The following COL9A3 variants were observed in gnomAD, a reference collection of about 807,000 sequenced individuals.
COL9A3 encodes collagen alpha-3(IX) chain.
In COL9A3, 82 loss-of-function variants were observed where a neutral mutation model predicts 110.2. The observed-to-expected ratio is 0.74, with a 90% CI of 0.62 to 0.89. The LOEUF is 0.89. Among genes scored for constraint, COL9A3 ranks in the 40% least tolerant of loss-of-function variants. COL9A3 has a pLI of 0.00. For missense variants in COL9A3, 1,066 were observed against 981.3 expected (o/e 1.09, Z -1.15); for synonymous variants, 494 against 403.8 (o/e 1.22, Z -2.68).
intron 10 of COL9A3, among the ~76,000 whole-genome samples, chr20:62,823,376 G>A (rs1041230391): frequency 2.0e-5 from 3 of 152,190 alleles, no homozygotes; most frequent in Non-Finnish European, 2.9e-5. Context: ...CGGAGGCCAC[G>A]GATCCATCTC....
At position 62,829,837 on chromosome 20, in the gene COL9A3, G is replaced by GCCCGGGGTCGGGGGTTA; in HGVS notation, c.1161+19_1161+35dup. The GCCCGGGGTCGGGGGTTA allele has an allele frequency of 4.5e-6, 7 of 1,553,146 alleles. No individual in the cohort carries two copies. The highest frequency in any genetic ancestry group is 6.1e-6 in the Non-Finnish European group (7 of 1,151,020). ...GCTCAGCGGTGAGTGCAGGGACATGGCCCGGGGTCGGGGGTTAGCACTGAG... is the reference window on the plus strand; with the variant it reads ...GCTCAGCGGTGAGTGCAGGGACATGGCCCGGGGTCGGGGGTTACCCGGGGTCGGGGGTTAGCACTGAG... On this transcript the variant is annotated intron_variant, in intron 22 of 31. Transcript: ENST00000649368.
chr20:62,838,503 A>G (rs1001858729), intron 30 of COL9A3, among the ~76,000 whole-genome samples, 181 bp from the exon 31 acceptor site: 4 of 152,250 alleles, frequency 2.6e-5, no homozygotes, highest in Admixed American at 2.6e-4. Flanking sequence ...GACTGTGTAC[A>G]GGTGGGTCCC....
intron 19 of COL9A3, 93 bp from the exon 20 acceptor site, chr20:62,829,361 TG>T: frequency 6.5e-7 from 1 of 1,531,780 alleles, no homozygotes; most frequent in Non-Finnish European, 8.9e-7. Flanking sequence ...GCACTCACTC[TG>T]GCCCCTGCAC....
chr20:62,831,448 CGTCATTCCAGGGTGATG>C (rs1009315323), intron 24 of COL9A3: 1 of 153,114 alleles, frequency 6.5e-6, no homozygotes, highest in Non-Finnish European at 1.5e-5. Context: ...GCAGATGCCC[CGTCATTCCAGGGTGATG>C]GTCATTCCAG....
intron 5 of COL9A3, among the ~76,000 whole-genome samples, chr20:62,820,383 C>T (rs762307965): frequency 2.0e-4 from 31 of 151,990 alleles, no homozygotes; most frequent in Non-Finnish European, 4.3e-4. Flanking sequence ...CCTGACGGAG[C>T]GGCACCACCA....
rs1340942348 is a variant in COL9A3, at chr20:62,840,810, C to T, written c.*78C>T. Reference sequence around the variant, plus strand: ...CATGAAGGAGCGGGGGTGTGGCAGGCGGGTGACGTCCAGGAGAGGGAGCGC... The same window carrying T: ...CATGAAGGAGCGGGGGTGTGGCAGGTGGGTGACGTCCAGGAGAGGGAGCGC... On this transcript the variant is annotated 3_prime_UTR_variant, in exon 32 of 32. Coordinates refer to ENST00000649368, the MANE Select transcript of COL9A3 (RefSeq NM_001853.4). 25 of 1,509,944 alleles carry T rather than the reference C, an allele frequency of 1.7e-5. No individual in the cohort carries two copies. Among genetic ancestry groups the T allele is most frequent in the Non-Finnish European group, 2.2e-5 (24 of 1,110,902 alleles). The allele number at this position is 1,509,944 out of a possible 1,614,324, so 93.5% of individuals were successfully genotyped here.
chr20:62,825,045 G>T, intron 12 of COL9A3, 24 bp downstream of exon 12: 1 of 1,600,392 alleles, frequency 6.2e-7, no homozygotes. Flanking sequence ...ACAGCAGCTG[G>T]GGAGGAGCTG....
chr20:62,828,811 C>T lies in COL9A3; in HGVS notation c.948C>T (p.Gly316=). The T allele has an allele frequency of 6.2e-7, 1 of 1,612,950 alleles. No homozygotes were observed. The highest frequency in any genetic ancestry group is 8.5e-7 in the Non-Finnish European group (1 of 1,180,008). ...DGQNGVPGLD[G]QKGEAGRNGA... ...AGAATGGCGTGCCAGGACTCGATGG[C>T]CAGAAGGTTGGCATGGGGCTCAGGG... The change falls in exon 18 of 32, where the codon GGC becomes GGT. Residue 316 remains glycine, a synonymous_variant. Transcript: ENST00000649368.
Position 62,838,750 on chromosome 20 carries a change from AG to A in COL9A3, c.1857del (p.Gln621LysfsTer52). 6.4e-7 allele frequency: 1 copy of A among 1,551,770 alleles called. No homozygotes were observed. Among genetic ancestry groups the A allele is most frequent in the Non-Finnish European group, 8.7e-7 (1 of 1,147,020 alleles). On this transcript the variant is annotated frameshift_variant, in exon 31 of 32. Transcript: ENST00000649368. LOFTEE classifies it low-confidence loss of function (END_TRUNC). ...GGGCTGGACGGGCCTGAAGGAGACC[AG>A]GGGCCCCAAGGTACGAGTCCACGGC... is the stretch of plus-strand genomic sequence containing the variant. Reference protein sequence around the residue: ...GAGLDGPEGDQGPQGPQGVPG... With the variant: ...GAGLDGPEGDXGPQGPQGVPG...
intron 30 of COL9A3, 122 bp from the exon 31 acceptor site, chr20:62,838,562 T>G: frequency 1.1e-6 from 1 of 934,116 alleles, no homozygotes; most frequent in East Asian, 2.6e-5. Context: ...TGTACTTTTC[T>G]AAATGTTTCC....
In COL9A3 at chr20:62,840,599, C is replaced by G. The variant is rs373263419; in HGVS notation, c.1922C>G (p.Pro641Arg). Reference protein sequence around the residue: ...KDGQDGAPGEPGPPGDPGLPG... With the variant: ...KDGQDGAPGERGPPGDPGLPG... ...GGCCAGGACGGTGCTCCCGGCGAGC[C>G]TGGGCCTCCCGGAGATCCTGGGCTT... Residue 641 changes from proline (P) to arginine (R), a missense_variant, in exon 32 of 32, where the codon CCT becomes CGT. Physicochemically the swap from Pro to Arg is moderately radical, Grantham distance 103. Transcript: ENST00000649368. The G allele has an allele frequency of 3.1e-6, 5 of 1,613,054 alleles. No individual in the cohort carries two copies. In the African/African-American group the frequency reaches 6.7e-5, roughly 22 times the overall value.
intron 19 of COL9A3, 146 bp downstream of exon 19, chr20:62,829,122 C>A (rs899510553): frequency 7.8e-6 from 7 of 895,338 alleles, no homozygotes; most frequent in Non-Finnish European, 1.2e-5. Context: ...CCTGGCACAA[C>A]CCCTGGTGCC....
At chr20:62,828,418 AG>A (rs1429835947) in intron 17 of COL9A3, among the ~76,000 whole-genome samples, 1 of 152,230 alleles carries the variant, frequency 6.6e-6, no homozygotes, top group East Asian at 1.9e-4. Context: ...AAACCAGTCC[AG>A]GGTGGACGAG....
At chr20:62,833,180 A>C in intron 26 of COL9A3, 116 bp downstream of exon 26, 1 of 876,654 alleles carries the variant, frequency 1.1e-6, no homozygotes, top group Non-Finnish European at 1.9e-6. Context: ...GAAGATCGGC[A>C]GCTCTGCTGG....
At position 62,821,486 on chromosome 20, in the gene COL9A3, AC is replaced by A. The variant is rs769771353; in HGVS notation, c.346-17del. ...CCCTTCTTGTGCCTGGCAGGCTCTG[AC>A]CCCATGTTTGGCTTTGCAGGGCAAA... On this transcript the variant is annotated intron_variant, in intron 6 of 31. Transcript: ENST00000649368. 43 of 1,612,490 alleles carry A rather than the reference AC, an allele frequency of 2.7e-5. No individual in the cohort carries two copies. The South Asian group carries it at 4.4e-4, about 16-fold the overall frequency.
intron 17 of COL9A3, 44 bp from the exon 18 acceptor site, chr20:62,828,719 AG>A: frequency 6.2e-7 from 1 of 1,605,580 alleles, no homozygotes; most frequent in Non-Finnish European, 8.5e-7. Flanking sequence ...AGAGGGAGGG[AG>A]GGGGGCCACT....
intron 25 of COL9A3, 62 bp downstream of exon 25, chr20:62,832,251 C>A: frequency 3.3e-6 from 5 of 1,537,026 alleles, no homozygotes; most frequent in Non-Finnish European, 4.5e-6. Flanking sequence ...TTCTCCCAGG[C>A]TCCTCCTGTC....
rs1342561807 is a variant in COL9A3 at position 62,819,266 on chromosome 20, T to TGGGCTGCCG, written c.231_239dup (p.Leu81_Gly83dup). 5.0e-6 allele frequency: 8 copies of TGGGCTGCCG among 1,612,134 alleles called. No individual in the cohort carries two copies. The South Asian group carries it at 5.5e-5, about 11-fold the overall frequency. ...GAAAGCCGGGGAAACCAGGAGAGGC[T>TGGGCTGCCG]GGGCTGCCGGGACTGCCGGGTGTGG... On this transcript the variant is annotated inframe_insertion, in exon 4 of 32. Coordinates refer to ENST00000649368, the MANE Select transcript of COL9A3 (RefSeq NM_001853.4).
chr20:62,821,775 G>A lies in COL9A3; in HGVS notation c.388G>A (p.Gly130Ser), dbSNP rs139401633. 1,735 of 1,610,366 alleles carry A rather than the reference G, an allele frequency of 1.1e-3. 3 individuals are homozygous for A. The highest frequency in any genetic ancestry group is 1.3e-3 in the Non-Finnish European group (1,574 of 1,178,816). Residue 130 changes from glycine to serine, a missense_variant, in exon 8 of 32, where the codon GGC becomes AGC. Physicochemically the swap from Gly to Ser is moderately conservative, Grantham distance 56. Coordinates refer to ENST00000649368, the MANE Select transcript of COL9A3 (RefSeq NM_001853.4). ...CCTCCAGGGAGAGGCAGGAGTGAGC[G>A]GCCCCCCAGGTGGGATCGGCCTCCG... ...PGPPGEAGVS[G>S]PPGGIGLRGP...
Sources: allele counts gnomAD v4.1 joint callset (sites outside exome capture counted in the v4.1 genomes callset), GRCh38; gene constraint gnomAD v4.1.1; transcripts MANE v1.5; gene names NCBI Gene and HGNC (gene_info 2026-07-23, HGNC 2026-07-21).